DNER: variants seen among roughly 807,000 people sequenced by gnomAD.
The protein encoded by DNER is delta and Notch-like epidermal growth factor-related receptor.
Under a neutral mutation model 78.2 loss-of-function variants are expected in DNER, and 33 were observed. The ratio of observed to expected loss-of-function variants is 0.42; its 90% confidence interval spans 0.32 to 0.56. DNER has a LOEUF of 0.56. Ranked by LOEUF, DNER falls within the 20% of genes least tolerant of loss-of-function variation. The pLI, the probability that DNER is intolerant of heterozygous loss-of-function variation, is 0.11. For missense variants in DNER, 918 were observed against 975.3 expected (o/e 0.94, Z 0.78); for synonymous variants, 417 against 384.8 (o/e 1.08, Z -0.98).
chr2:229,447,232 A>G, intron 8 of DNER, 84 bp downstream of exon 8: 1 of 1,360,964 alleles, frequency 7.3e-7, no homozygotes, highest in East Asian at 2.5e-5. Context: ...AAGTATACCA[A>G]GATGCAAAAG....
At chr2:229,463,175 T>C (rs951396930) in intron 7 of DNER, among the ~76,000 whole-genome samples, 4 of 152,134 alleles carry the variant, frequency 2.6e-5, no homozygotes, top group African/African-American at 9.7e-5. Flanking sequence ...CTCACCATTG[T>C]GCCTTGGCAT....
At chr2:229,702,416 G>C (rs1699761079) in intron 1 of DNER, among the ~76,000 whole-genome samples, 1 of 152,046 alleles carries the variant, frequency 6.6e-6, no homozygotes, top group Non-Finnish European at 1.5e-5. Context: ...CATGCCTATA[G>C]TCCCAGCTAC....
chr2:229,683,423 T>A (rs543695863), intron 1 of DNER, among the ~76,000 whole-genome samples: 8 of 152,300 alleles, frequency 5.3e-5, no homozygotes, highest in African/African-American at 1.9e-4. Context: ...AGTCCATAAA[T>A]TGTGAATGTC....
At chr2:229,652,817 T>C (rs1284052902) in intron 1 of DNER, among the ~76,000 whole-genome samples, 4 of 152,234 alleles carry the variant, frequency 2.6e-5, no homozygotes, top group Admixed American at 2.0e-4. Flanking sequence ...GCTGCTGTTT[T>C]TCCCATTGGT....
At chr2:229,522,648 G>T (rs909586436) in intron 5 of DNER, among the ~76,000 whole-genome samples, 11 of 152,196 alleles carry the variant, frequency 7.2e-5, no homozygotes, top group Non-Finnish European at 1.6e-4. Context: ...AATGAAAATT[G>T]TTATGTATAA....
chr2:229,654,860 A>G (rs909592529), intron 1 of DNER, among the ~76,000 whole-genome samples: 2 of 152,180 alleles, frequency 1.3e-5, no homozygotes, highest in African/African-American at 2.4e-5. Context: ...GCACACTGAC[A>G]TGTTACTTTT....
At chr2:229,538,351 C>T (rs927148017) in intron 5 of DNER, among the ~76,000 whole-genome samples, 3 of 152,252 alleles carry the variant, frequency 2.0e-5, no homozygotes, top group Non-Finnish European at 1.5e-5. Context: ...GGGTTTCCCT[C>T]ATCTCTTAGA....
At chr2:229,594,276 C>A (rs759857377) in intron 1 of DNER, among the ~76,000 whole-genome samples, 53 of 152,136 alleles carry the variant, frequency 3.5e-4, no homozygotes, top group Non-Finnish European at 5.6e-4. Context: ...CTTCTGAATC[C>A]ATATCACTTC....
intron 11 of DNER, among the ~76,000 whole-genome samples, chr2:229,376,849 T>G (rs1692614718): frequency 1.3e-5 from 2 of 152,186 alleles, no homozygotes; most frequent in African/African-American, 4.8e-5. Flanking sequence ...ATTTTATTTT[T>G]TAAACATCTT....
At chr2:229,686,221 C>T (rs1327757752) in intron 1 of DNER, among the ~76,000 whole-genome samples, 2 of 152,106 alleles carry the variant, frequency 1.3e-5, no homozygotes, top group African/African-American at 2.4e-5. Context: ...GAATGGAGGC[C>T]ATGTCTATGG....
In DNER at chr2:229,591,877, A is replaced by G. The variant is rs753203582; in HGVS notation, c.288T>C (p.Asp96=). ...GGTGACAAGGGTTGCTGGCACAAGG[A>G]TCTGCAACAAGCTGAAACGAGACCA... is the stretch of plus-strand genomic sequence containing the variant. ...ISGANCQLVA[D]PCASNPCHHG... Residue 96 remains aspartate, a synonymous_variant, in exon 2 of 13, where the codon GAT becomes GAC. Transcript: ENST00000341772. The surrounding 1 kb of genome is among the most constrained non-coding windows in gnomAD (Gnocchi z 4.6). 2 of 1,584,062 alleles carry G rather than the reference A, an allele frequency of 1.3e-6. No individual in the cohort carries two copies. The highest frequency in any genetic ancestry group is 2.3e-5 in the East Asian group (1 of 44,252).
intron 1 of DNER, among the ~76,000 whole-genome samples, chr2:229,603,963 G>T (rs115916447): frequency 0.014 from 2,102 of 152,154 alleles, 44 homozygotes; most frequent in Middle Eastern, 0.048. Flanking sequence ...GGTAAGAATG[G>T]CACACAGATT....
intron 1 of DNER, chr2:229,702,225 GTTAGCAATAAAT>G (rs919233511): frequency 1.3e-5 from 2 of 154,138 alleles, no homozygotes; most frequent in Non-Finnish European, 2.9e-5. Flanking sequence ...TTGAATTCTT[GTTAGCAATAAAT>G]AAATAAATGA....
intron 5 of DNER, among the ~76,000 whole-genome samples, chr2:229,513,838 G>A (rs1695919308): frequency 6.6e-6 from 1 of 152,042 alleles, no homozygotes; most frequent in Admixed American, 6.5e-5. Context: ...CTGGCACATG[G>A]GGCAGATGTT....
intron 1 of DNER, among the ~76,000 whole-genome samples, chr2:229,654,497 C>A (rs954114483): frequency 1.3e-5 from 2 of 152,056 alleles, no homozygotes; most frequent in Non-Finnish European, 2.9e-5. Context: ...GAATTTATTA[C>A]AAAGATAATA....
intron 7 of DNER, among the ~76,000 whole-genome samples, chr2:229,461,675 C>T (rs1270358366): frequency 2.0e-5 from 3 of 151,914 alleles, no homozygotes; most frequent in Non-Finnish European, 4.4e-5. Flanking sequence ...AATATACAGT[C>T]CTAACTGGAA....
chr2:229,509,948 G>C (rs1695830468), intron 6 of DNER, among the ~76,000 whole-genome samples: 1 of 152,306 alleles, frequency 6.6e-6, no homozygotes, highest in Non-Finnish European at 1.5e-5. Flanking sequence ...AAAATGGAGA[G>C]AGACTTATCT....
intron 6 of DNER, among the ~76,000 whole-genome samples, chr2:229,503,944 A>G (rs1695680529): frequency 6.6e-6 from 1 of 152,060 alleles, no homozygotes; most frequent in Non-Finnish European, 1.5e-5. Context: ...GAGTTTTGCC[A>G]TGTTGCCCAG....
chr2:229,359,435 G>A (rs1219648485), intron 12 of DNER, among the ~76,000 whole-genome samples: 2 of 152,238 alleles, frequency 1.3e-5, no homozygotes, highest in East Asian at 1.9e-4. Flanking sequence ...ACTTCTGGGT[G>A]GTCTCTTCCC....
Sources: allele counts gnomAD v4.1 joint callset (sites outside exome capture counted in the v4.1 genomes callset), GRCh38; gene constraint gnomAD v4.1.1; non-coding constraint Gnocchi (gnomAD v3.1); transcripts MANE v1.5; gene names NCBI Gene and HGNC (gene_info 2026-07-23, HGNC 2026-07-21).